TNFSF4: variants seen among roughly 807,000 people sequenced by gnomAD.
The protein encoded by TNFSF4 is TNF superfamily member 4.
In TNFSF4, 4 loss-of-function variants were observed where a neutral mutation model predicts 7.3. That is an observed-to-expected ratio of 0.55 (90% confidence interval 0.27 to 1.25). The LOEUF (loss-of-function observed/expected upper bound fraction) is 1.25. Among genes scored for constraint, TNFSF4 ranks in the 50% most tolerant of loss-of-function variants. The pLI, the probability that TNFSF4 is intolerant of heterozygous loss-of-function variation, is 0.12. For synonymous variants in TNFSF4, 76 were observed against 83.7 expected, an observed-to-expected ratio of 0.91 and a Z score of 0.50; for missense variants, 181 against 208.8, an observed-to-expected ratio of 0.87 and a Z score of 0.82.
At chr1:173,179,425 T>C (rs1402024920), downstream of TNFSF4, among the ~76,000 whole-genome samples, 1 of 152,168 alleles carries the variant, frequency 6.6e-6, no homozygotes, top group Non-Finnish European at 1.5e-5. Flanking sequence ...GAAGAGGAAT[T>C]CTGGGGACTA....
At chr1:173,378,106 C>A in the TNFSF4 span, among the ~76,000 whole-genome samples, 1 of 152,190 alleles carries the variant, frequency 6.6e-6, no homozygotes. Context: ...GTAAGGGCGA[C>A]TAAATCCGAC....
the TNFSF4 span, among the ~76,000 whole-genome samples, chr1:173,238,403 A>G: frequency 6.6e-6 from 1 of 152,222 alleles, no homozygotes; most frequent in Non-Finnish European, 1.5e-5. Flanking sequence ...GGCAAATGGG[A>G]CCCTAAAGAA....
At chr1:173,385,575 C>T in the TNFSF4 span, among the ~76,000 whole-genome samples, 68 of 152,360 alleles carry the variant, frequency 4.5e-4, no homozygotes, top group African/African-American at 1.4e-3. Flanking sequence ...TTTTGTGTTA[C>T]GCCTGTAATC....
the TNFSF4 span, among the ~76,000 whole-genome samples, chr1:173,361,547 C>T: frequency 6.6e-6 from 1 of 151,930 alleles, no homozygotes; most frequent in East Asian, 1.9e-4. Context: ...TGCAGTGAGC[C>T]GAGATAGCAC....
chr1:173,365,393 T>A, the TNFSF4 span, among the ~76,000 whole-genome samples: 2 of 152,190 alleles, frequency 1.3e-5, no homozygotes, highest in Non-Finnish European at 2.9e-5. Flanking sequence ...TCTCAAAAGG[T>A]TTTTTGCTTC....
At chr1:173,355,222 T>C in the TNFSF4 span, among the ~76,000 whole-genome samples, 13 of 152,310 alleles carry the variant, frequency 8.5e-5, no homozygotes, top group South Asian at 1.5e-3. Context: ...TGTGATGATA[T>C]TGGGCCGACC....
chr1:173,216,171 G>A, the TNFSF4 span, among the ~76,000 whole-genome samples: 1 of 152,222 alleles, frequency 6.6e-6, no homozygotes, highest in East Asian at 1.9e-4. Context: ...ACATACATGA[G>A]TTTTGGCTGA....
the TNFSF4 span, among the ~76,000 whole-genome samples, chr1:173,259,586 T>G: frequency 6.6e-6 from 1 of 152,198 alleles, no homozygotes; most frequent in Non-Finnish European, 1.5e-5. Flanking sequence ...GCAAAGAAGC[T>G]AAGATTCATG....
chr1:173,340,002 A>G, the TNFSF4 span, among the ~76,000 whole-genome samples: 2 of 152,152 alleles, frequency 1.3e-5, no homozygotes, highest in Admixed American at 6.5e-5. Flanking sequence ...TAGTAGACAT[A>G]GTAAAGGTTG....
chr1:173,348,127 T>C, the TNFSF4 span, among the ~76,000 whole-genome samples: 1 of 152,214 alleles, frequency 6.6e-6, no homozygotes. Context: ...GTACCTAATA[T>C]GGTTTTGCTG....
the TNFSF4 span, among the ~76,000 whole-genome samples, chr1:173,394,919 G>T: frequency 7.8e-3 from 1,170 of 150,108 alleles, 13 homozygotes; most frequent in African/African-American, 0.027. Flanking sequence ...TAGATAGATA[G>T]AGATAGATAG....
At chr1:173,182,943 G>T (rs1342747517), downstream of TNFSF4, among the ~76,000 whole-genome samples, 3 of 152,160 alleles carry the variant, frequency 2.0e-5, no homozygotes, top group Admixed American at 2.0e-4. Context: ...GTTTGGGAAG[G>T]TTGCTGCCAT....
the TNFSF4 span, among the ~76,000 whole-genome samples, chr1:173,315,700 T>TA: frequency 4.6e-5 from 7 of 152,272 alleles, no homozygotes; most frequent in African/African-American, 1.7e-4. Context: ...AATTTAAACT[T>TA]AGAGTTTGAT....
intron 1 of TNFSF4, 65 bp downstream of exon 1, chr1:173,206,959 T>C: frequency 6.6e-7 from 1 of 1,509,550 alleles, no homozygotes. Context: ...AGCGACTGTT[T>C]GCAGCTGTTG....
upstream of TNFSF4, among the ~76,000 whole-genome samples, chr1:173,212,269 C>T (rs2102007548): frequency 6.6e-6 from 1 of 152,272 alleles, no homozygotes; most frequent in Non-Finnish European, 1.5e-5. Flanking sequence ...AACACTGGAG[C>T]TCAAATTTCA....
the TNFSF4 span, among the ~76,000 whole-genome samples, chr1:173,327,350 A>T: frequency 4.6e-5 from 7 of 152,228 alleles, no homozygotes; most frequent in Admixed American, 6.5e-5. Flanking sequence ...ACAAAAATTA[A>T]TTCAAGATGG....
chr1:173,322,071 C>T, the TNFSF4 span, among the ~76,000 whole-genome samples: 3 of 152,116 alleles, frequency 2.0e-5, no homozygotes, highest in East Asian at 1.9e-4. Context: ...ACCCAAACGC[C>T]GATTAATAAT....
chr1:173,414,814 C>T, the TNFSF4 span, among the ~76,000 whole-genome samples: 28 of 152,208 alleles, frequency 1.8e-4, no homozygotes, highest in Non-Finnish European at 5.9e-5. Flanking sequence ...AGCTTGGGTC[C>T]TGTGTTTGGG....
At chr1:173,316,936 T>C in the TNFSF4 span, among the ~76,000 whole-genome samples, 1 of 152,194 alleles carries the variant, frequency 6.6e-6, no homozygotes, top group African/African-American at 2.4e-5. Context: ...ATAATGAAGA[T>C]AGCCCAGATT....
Sources: gnomAD v4.1 joint callset for allele counts (sites outside exome capture counted in the v4.1 genomes callset) on GRCh38, gnomAD v4.1.1 for gene constraint, MANE v1.5 for transcripts, NCBI Gene and HGNC (gene_info 2026-07-23, HGNC 2026-07-21) for gene names.